Variants in GLB1 observed in about 807,000 individuals in gnomAD.
The protein encoded by GLB1 is beta-galactosidase.
In GLB1, 56 loss-of-function variants were observed where a neutral mutation model predicts 74.0. That is an observed-to-expected ratio of 0.76 (90% CI 0.61 to 0.94). The LOEUF (loss-of-function observed/expected upper bound fraction) is 0.94, where lower values mean the gene tolerates loss of function less well. Ranked by LOEUF, GLB1 falls within the 40% of genes least tolerant of loss-of-function variation. The pLI is 0.00. For missense variants in GLB1, 787 were observed against 845.5 expected, an observed-to-expected ratio of 0.93 and a Z score of 0.86; for synonymous variants, 323 against 323.6, an observed-to-expected ratio of 1.00 and a Z score of 0.02.
chr3:33,034,897 C>A, intron 10 of GLB1: 1 of 411,256 alleles, frequency 2.4e-6, no homozygotes, highest in East Asian at 6.8e-5. Flanking sequence ...GGTTTGTAAT[C>A]TACTGTCCAG....
the GLB1 span, among the ~76,000 whole-genome samples, chr3:32,970,454 C>G: frequency 6.6e-6 from 1 of 152,128 alleles, no homozygotes; most frequent in Non-Finnish European, 1.5e-5. Context: ...CAAATGCAGG[C>G]TTTAAGCATG....
intron 15 of GLB1, among the ~76,000 whole-genome samples, chr3:33,011,791 A>AT (rs1160699026): frequency 6.6e-6 from 1 of 152,186 alleles, no homozygotes; most frequent in Admixed American, 6.5e-5. Context: ...AGCTATTAAC[A>AT]TAATTTTCTC....
the GLB1 span, among the ~76,000 whole-genome samples, chr3:32,973,999 G>C: frequency 6.6e-6 from 1 of 152,120 alleles, no homozygotes; most frequent in Admixed American, 6.5e-5. Flanking sequence ...TCAGAGGCTA[G>C]GGCAAGGCAG....
intron 6 of GLB1, among the ~76,000 whole-genome samples, chr3:33,056,579 T>G (rs1699233358): frequency 6.6e-6 from 1 of 152,124 alleles, no homozygotes; most frequent in African/African-American, 2.4e-5. Context: ...ATGCCTAGCC[T>G]GTAACTTTTT....
chr3:32,963,715 C>T, the GLB1 span, among the ~76,000 whole-genome samples: 62 of 152,288 alleles, frequency 4.1e-4, no homozygotes, highest in Middle Eastern at 3.4e-3. Context: ...TCCATAATAT[C>T]TTAAGTGCAT....
At chr3:33,061,500 C>T (rs1699441315) in intron 5 of GLB1, among the ~76,000 whole-genome samples, 1 of 152,166 alleles carries the variant, frequency 6.6e-6, no homozygotes, top group Non-Finnish European at 1.5e-5. Context: ...AACTCTGCCA[C>T]TATAGTACAA....
chr3:33,053,410 A>T, intron 7 of GLB1, 81 bp downstream of exon 7: 1 of 1,604,146 alleles, frequency 6.2e-7, no homozygotes, highest in Non-Finnish European at 8.5e-7. Context: ...AAAAACATCA[A>T]GGGCCTACTG....
chr3:33,074,807 T>C (rs549135400), intron 1 of GLB1, among the ~76,000 whole-genome samples: 2 of 152,300 alleles, frequency 1.3e-5, no homozygotes, highest in South Asian at 4.1e-4. Flanking sequence ...TCATAGTCCA[T>C]GGTGGCTTTG....
intron 6 of GLB1, among the ~76,000 whole-genome samples, chr3:33,054,343 T>C (rs9819337): frequency 0.16 from 24,465 of 152,058 alleles, 4,243 homozygotes; most frequent in East Asian, 0.48. Flanking sequence ...TTGGACCCAT[T>C]TGAAGATGTG....
intron 15 of GLB1, among the ~76,000 whole-genome samples, chr3:32,998,919 T>C (rs1696431284): frequency 6.6e-6 from 1 of 152,216 alleles, no homozygotes; most frequent in Non-Finnish European, 1.5e-5. Context: ...CCTTCTGAAT[T>C]TCCTACCTGA....
chr3:32,992,534 T>G (rs1244123587), downstream of GLB1, among the ~76,000 whole-genome samples: 1 of 152,212 alleles, frequency 6.6e-6, no homozygotes, highest in Admixed American at 6.5e-5. Flanking sequence ...CTCATTTAAT[T>G]TTAAAACCCC....
chr3:32,984,458 T>G, the GLB1 span, among the ~76,000 whole-genome samples: 2 of 152,178 alleles, frequency 1.3e-5, no homozygotes, highest in African/African-American at 2.4e-5. Context: ...GTTTTTAGTT[T>G]CATACTTATT....
chr3:32,973,139 G>C, the GLB1 span, among the ~76,000 whole-genome samples: 1 of 152,120 alleles, frequency 6.6e-6, no homozygotes, highest in Non-Finnish European at 1.5e-5. Flanking sequence ...TTAGTCCTTT[G>C]GATGTTAATC....
chr3:32,986,001 C>T, the GLB1 span, among the ~76,000 whole-genome samples: 4,434 of 152,234 alleles, frequency 0.029, 209 homozygotes, highest in African/African-American at 0.098. Context: ...TGTGAGCCAC[C>T]GCACCTGGAC....
At chr3:33,051,227 G>GTCTA in intron 9 of GLB1, among the ~76,000 whole-genome samples, 1 of 113,592 alleles carries the variant, frequency 8.8e-6, no homozygotes, top group South Asian at 3.2e-4. Flanking sequence ...GAGCGAGACT[G>GTCTA]CGTCTCAAAA....
At chr3:33,056,619 G>A (rs1034923856) in intron 6 of GLB1, among the ~76,000 whole-genome samples, 11 of 152,216 alleles carry the variant, frequency 7.2e-5, no homozygotes, top group Non-Finnish European at 1.0e-4. Flanking sequence ...CTTACAGAAT[G>A]TTGTAAGAAT....
At chr3:33,044,084 C>A (rs1255390031) in intron 10 of GLB1, among the ~76,000 whole-genome samples, 1 of 152,090 alleles carries the variant, frequency 6.6e-6, no homozygotes, top group Non-Finnish European at 1.5e-5. Context: ...CATTAATAAA[C>A]TTAATCTGAT....
chr3:33,069,892 G>T (rs538004967), intron 2 of GLB1, among the ~76,000 whole-genome samples: 1 of 152,248 alleles, frequency 6.6e-6, no homozygotes, highest in South Asian at 2.1e-4. Context: ...TGGGGGTTTG[G>T]TGTACAGATT....
Position 33,093,329 on chromosome 3 carries a change from A to G in GLB1, c.75+3682T>C. The stretch of plus-strand genomic sequence containing the variant: ...GGACATGCAGGGATTCCAGAAGTGC[A>G]AACCAGTTGCTGACATCTGACGTGT... On this transcript the variant is annotated intron_variant, in intron 1 of 15. Transcript: ENST00000307363. This position sits in a 1 kb window ranked among gnomAD's most constrained non-coding sequence, Gnocchi z 6.0. 7 of 1,614,220 alleles carry G rather than the reference A, an allele frequency of 4.3e-6. No individual in the cohort carries two copies. The highest frequency in any genetic ancestry group is 5.9e-6 in the Non-Finnish European group (7 of 1,180,036).
Sources: gnomAD v4.1 joint callset for allele counts (sites outside exome capture counted in the v4.1 genomes callset) on GRCh38, gnomAD v4.1.1 for gene constraint, Gnocchi (gnomAD v3.1) non-coding constraint, MANE v1.5 for transcripts, NCBI Gene and HGNC (gene_info 2026-07-23, HGNC 2026-07-21) for gene names.